CDC73: variants seen among roughly 807,000 people sequenced by gnomAD.
The protein encoded by CDC73 is cell division cycle 73, also known as parafibromin.
In CDC73, 21 loss-of-function variants were observed where a neutral mutation model predicts 83.7. That is an observed-to-expected ratio of 0.25 (90% CI 0.18 to 0.36). The LOEUF is 0.36. Among genes scored for constraint, CDC73 ranks in the 10% least tolerant of loss-of-function variants. The probability of loss-of-function intolerance (pLI) is 1.00; values close to 1 mark genes in which losing one functional copy is unlikely to be tolerated. For missense variants in CDC73, 342 were observed against 653.3 expected, an observed-to-expected ratio of 0.52 and a Z score of 5.19; for synonymous variants, 224 against 212.9, an observed-to-expected ratio of 1.05 and a Z score of -0.45.
intron 13 of CDC73, among the ~76,000 whole-genome samples, chr1:193,213,564 C>A (rs369582156): frequency 6.6e-6 from 1 of 152,146 alleles, no homozygotes; most frequent in Non-Finnish European, 1.5e-5. Context: ...ATGTTGTGAT[C>A]ACTAGTTGGA....
intron 15 of CDC73, among the ~76,000 whole-genome samples, chr1:193,247,580 G>T (rs1020277618): frequency 7.2e-5 from 11 of 152,100 alleles, no homozygotes; most frequent in Non-Finnish European, 1.3e-4. Context: ...CAGGCCAAAA[G>T]CTAGGTCTAT....
intron 10 of CDC73, among the ~76,000 whole-genome samples, chr1:193,197,981 T>C (rs1677030775): frequency 6.6e-6 from 1 of 151,882 alleles, no homozygotes; most frequent in Admixed American, 6.6e-5. Flanking sequence ...TGTTTAATTC[T>C]CTTAATAATC....
intron 10 of CDC73, among the ~76,000 whole-genome samples, chr1:193,158,119 AATG>A (rs147265959): frequency 0.039 from 5,937 of 151,548 alleles, 111 homozygotes; most frequent in Middle Eastern, 0.045. Flanking sequence ...TAGTATTGTT[AATG>A]ATATAATTTT....
rs144353853 is a variant in CDC73 at position 193,223,981 on chromosome 1, A to G, written c.1155-9012A>G. On this transcript the variant is annotated intron_variant, in intron 13 of 16. Coordinates refer to ENST00000367435, the MANE Select transcript of CDC73 (RefSeq NM_024529.5). The stretch of plus-strand genomic sequence containing the variant: ...GGTAATTAAGATATATATTACCTTA[A>G]ACATTTATCTTTATGTTGGAAATAT... 1.1e-4 allele frequency among the ~76,000 whole-genome samples: 17 copies of G among 151,976 alleles called. 1 individual carries two copies. The East Asian group carries it at 2.9e-3, about 26-fold the overall frequency.
intron 14 of CDC73, among the ~76,000 whole-genome samples, chr1:193,235,970 G>C (rs1677750768): frequency 6.6e-6 from 1 of 152,118 alleles, no homozygotes; most frequent in African/African-American, 2.4e-5. Flanking sequence ...GGAACAGAAA[G>C]GGCAAACAAG....
At position 193,253,060 on chromosome 1, in the gene CDC73, T is replaced by C. The variant is rs1678069304; in HGVS notation, c.*2348T>C. ...TTACTGCTAACTGGAGATACCCTTGTATGCCCAACCTGTAAAGGAAAAAGT... is the reference window on the plus strand; with the variant it reads ...TTACTGCTAACTGGAGATACCCTTGCATGCCCAACCTGTAAAGGAAAAAGT... On this transcript the variant is annotated 3_prime_UTR_variant, in exon 17 of 17. Transcript: ENST00000367435. 4.3e-6 allele frequency: 1 copy of C among 232,186 alleles called. No homozygotes were observed. Among genetic ancestry groups the C allele is most frequent in the Admixed American group, 5.6e-5 (1 of 17,738 alleles). The allele number at this position is 232,186 out of a possible 1,614,324, so 14.4% of individuals were successfully genotyped here. A position where few individuals can be genotyped will look rare whatever the true frequency, so the allele number is the denominator to read the frequency against.
rs780552985 is a variant in CDC73, at chr1:193,253,712, G to A, written c.*3000G>A. ...CTCATAATTTTTAAGGCAGAAAGAA[G>A]TATTAATTTTTGATCTGCCATGTAG... On this transcript the variant is annotated 3_prime_UTR_variant, in exon 17 of 17. Transcript: ENST00000367435. 2.2e-4 allele frequency: 50 copies of A among 231,312 alleles called. No homozygotes were observed. The highest frequency in any genetic ancestry group is 1.3e-3 in the Middle Eastern group (1 of 798). The allele number at this position is 231,312 out of a possible 1,614,324, so 14.3% of individuals were successfully genotyped here. A position where few individuals can be genotyped will look rare whatever the true frequency, so the allele number is the denominator to read the frequency against.
intron 13 of CDC73, among the ~76,000 whole-genome samples, chr1:193,221,767 AT>A (rs1677474332): frequency 6.6e-6 from 1 of 152,224 alleles, no homozygotes; most frequent in Admixed American, 6.5e-5. Context: ...AGGATAGACC[AT>A]GCCTAATGTT....
rs565081054 is a variant in CDC73 at position 193,254,650 on chromosome 1, C to G, written c.*3938C>G. Among the ~76,000 whole-genome samples the G allele has an allele frequency of 6.6e-6, 1 of 152,030 alleles. No homozygotes were observed. The highest frequency in any genetic ancestry group is 2.4e-5 in the African/African-American group (1 of 41,392). On this transcript the variant is annotated 3_prime_UTR_variant, in exon 17 of 17. Transcript: ENST00000367435. ...TTTAGTTAGTATATAATAGATAATA[C>G]TTGCAGGTTTTTTATGTGTTTTGGG...
chr1:193,201,750 A>G (rs1019619830), intron 10 of CDC73, among the ~76,000 whole-genome samples: 1 of 151,938 alleles, frequency 6.6e-6, no homozygotes, highest in Non-Finnish European at 1.5e-5. Flanking sequence ...TTTTTTTTCC[A>G]TATTATTTAC....
chr1:193,183,235 A>G (rs1676749365), intron 10 of CDC73, among the ~76,000 whole-genome samples: 2 of 151,688 alleles, frequency 1.3e-5, no homozygotes, highest in South Asian at 2.1e-4. Flanking sequence ...AGGAGGAGCA[A>G]GTAGGTGGGA....
At chr1:193,156,741 G>A (rs1031546554) in intron 10 of CDC73, among the ~76,000 whole-genome samples, 31 of 152,108 alleles carry the variant, frequency 2.0e-4, no homozygotes, top group African/African-American at 7.5e-4. Context: ...ATGTTCTGGA[G>A]TTGAGTGTAG....
At chr1:193,235,577 AAAT>A (rs1229249633) in intron 14 of CDC73, among the ~76,000 whole-genome samples, 7 of 152,212 alleles carry the variant, frequency 4.6e-5, no homozygotes, top group Non-Finnish European at 1.0e-4. Flanking sequence ...GTATTTTATA[AAAT>A]AATGAAATTT....
chr1:193,134,120 T>C (rs1028129637), intron 3 of CDC73, among the ~76,000 whole-genome samples: 2 of 152,126 alleles, frequency 1.3e-5, no homozygotes, highest in Non-Finnish European at 2.9e-5. Flanking sequence ...GTATATTTCG[T>C]TTAGCTTTTT....
At chr1:193,193,370 A>T (rs1016735681) in intron 10 of CDC73, among the ~76,000 whole-genome samples, 2 of 152,204 alleles carry the variant, frequency 1.3e-5, no homozygotes, top group African/African-American at 4.8e-5. Flanking sequence ...AATAAGTGGT[A>T]TTTAAATTTT....
At chr1:193,141,318 AC>A (rs1402533778) in intron 6 of CDC73, among the ~76,000 whole-genome samples, 2 of 152,192 alleles carry the variant, frequency 1.3e-5, no homozygotes, top group Non-Finnish European at 2.9e-5. Context: ...GAAAAAGAAA[AC>A]TGTATAAAAT....
At chr1:193,179,572 A>G (rs1270733810) in intron 10 of CDC73, 1 of 152,612 alleles carries the variant, frequency 6.6e-6, no homozygotes, top group Non-Finnish European at 1.5e-5. Flanking sequence ...AAACTTGTCT[A>G]TTTTGAAACA....
At chr1:193,180,430 T>G (rs1357690846) in intron 10 of CDC73, 1 of 1,614,094 alleles carries the variant, frequency 6.2e-7, no homozygotes. Flanking sequence ...GGTAATTAGG[T>G]GGCTGTATTT....
intron 10 of CDC73, among the ~76,000 whole-genome samples, chr1:193,163,175 GT>G (rs1463080138): frequency 2.2e-4 from 33 of 151,102 alleles, no homozygotes; most frequent in African/African-American, 8.1e-4. Context: ...GTGTGTGTGT[GT>G]GGGTGTGTGT....
Sources: allele counts gnomAD v4.1 joint callset (sites outside exome capture counted in the v4.1 genomes callset), GRCh38; gene constraint gnomAD v4.1.1; transcripts MANE v1.5; gene names NCBI Gene and HGNC (gene_info 2026-07-23, HGNC 2026-07-21).